Variants in MINDY4 observed in about 807,000 individuals in gnomAD.
MINDY4 encodes MINDY lysine 48 deubiquitinase 4.
Under a neutral mutation model 87.0 loss-of-function variants are expected in MINDY4, and 68 were observed. The observed-to-expected ratio is 0.78, with a 90% CI of 0.64 to 0.96. The LOEUF (loss-of-function observed/expected upper bound fraction) is 0.96. Among genes scored for constraint, MINDY4 ranks in the 40% least tolerant of loss-of-function variants. MINDY4 has a pLI of 0.00. For missense variants in MINDY4, 919 were observed against 928.2 expected (o/e 0.99, Z 0.13); for synonymous variants, 379 against 363.2 (o/e 1.04, Z -0.50).
At chr7:30,818,506 C>T (rs1318787056) in intron 5 of MINDY4, among the ~76,000 whole-genome samples, 1 of 152,032 alleles carries the variant, frequency 6.6e-6, no homozygotes, top group Non-Finnish European at 1.5e-5. Flanking sequence ...ATTATTAGCC[C>T]CATTAGATGA....
intron 11 of MINDY4, among the ~76,000 whole-genome samples, chr7:30,852,893 G>T (rs1789456104): frequency 6.6e-6 from 1 of 152,164 alleles, no homozygotes; most frequent in Admixed American, 6.5e-5. Flanking sequence ...CTAACTGAGG[G>T]TCTCGCATTG....
At chr7:30,827,406 T>A (rs1427597204) in intron 5 of MINDY4, among the ~76,000 whole-genome samples, 1 of 152,074 alleles carries the variant, frequency 6.6e-6, no homozygotes, top group Admixed American at 6.6e-5. Context: ...TGGAAGAGGC[T>A]TCTGATGGAA....
intron 5 of MINDY4, among the ~76,000 whole-genome samples, chr7:30,804,553 G>A (rs1787750004): frequency 6.6e-6 from 1 of 152,188 alleles, no homozygotes; most frequent in Non-Finnish European, 1.5e-5. Flanking sequence ...AAAAAGATGA[G>A]TGTGATAAGG....
chr7:30,831,384 C>CT (rs1788695943), intron 6 of MINDY4, among the ~76,000 whole-genome samples: 2 of 152,186 alleles, frequency 1.3e-5, no homozygotes, highest in Non-Finnish European at 1.5e-5. Flanking sequence ...CCTTAGTCAT[C>CT]TCTTACCTCT....
chr7:30,806,053 G>A (rs1005303694), intron 5 of MINDY4, among the ~76,000 whole-genome samples: 1 of 152,192 alleles, frequency 6.6e-6, no homozygotes, highest in Non-Finnish European at 1.5e-5. Flanking sequence ...GGCATTACAA[G>A]TTCCTGAAGT....
intron 9 of MINDY4, among the ~76,000 whole-genome samples, chr7:30,843,076 C>T (rs1289405837): frequency 6.6e-6 from 1 of 152,218 alleles, no homozygotes; most frequent in Non-Finnish European, 1.5e-5. Flanking sequence ...AACACAAGCC[C>T]CGTGAGAACA....
In MINDY4 at chr7:30,791,207, A is replaced by G. The variant is rs530520703; in HGVS notation, c.706A>G (p.Ser236Gly). ...RHYLRRSSPS[S>G]SSTQPQEESR... The stretch of plus-strand genomic sequence containing the variant: ...CTATCTGAGACGGTCCTCACCGTCA[A>G]GCAGCTCCACCCAACCCCAAGAAGA... The change falls in exon 5 of 18, where the codon AGC (serine) becomes GGC (glycine). Residue 236 changes from serine to glycine, a missense_variant. Coordinates refer to ENST00000265299, the MANE Select transcript of MINDY4 (RefSeq NM_032222.3). 2.9e-5 allele frequency: 47 copies of G among 1,614,094 alleles called. No individual in the cohort carries two copies. The Admixed American group carries it at 7.0e-4, about 24-fold the overall frequency.
chr7:30,860,814 T>G (rs184853617), intron 13 of MINDY4, among the ~76,000 whole-genome samples: 7 of 152,266 alleles, frequency 4.6e-5, no homozygotes, highest in East Asian at 3.9e-4. Flanking sequence ...TAGGGCTGCT[T>G]CTTCCCCCTC....
chr7:30,773,281 T>G (rs1370729713), intron 1 of MINDY4, among the ~76,000 whole-genome samples: 1 of 152,190 alleles, frequency 6.6e-6, no homozygotes, highest in African/African-American at 2.4e-5. Context: ...TTGTCTCAGA[T>G]CCTCGTAACA....
At chr7:30,798,462 T>C (rs897952451) in intron 5 of MINDY4, among the ~76,000 whole-genome samples, 2 of 152,082 alleles carry the variant, frequency 1.3e-5, no homozygotes, top group Non-Finnish European at 2.9e-5. Context: ...GTCATGGTCA[T>C]TGGGCCATAA....
intron 1 of MINDY4, among the ~76,000 whole-genome samples, chr7:30,773,117 T>G (rs916372860): frequency 6.6e-6 from 1 of 152,206 alleles, no homozygotes; most frequent in Non-Finnish European, 1.5e-5. Flanking sequence ...GAGCTGGGAC[T>G]GCAGCCCAGG....
chr7:30,817,456 A>G (rs974928555), intron 5 of MINDY4, among the ~76,000 whole-genome samples: 3 of 151,778 alleles, frequency 2.0e-5, no homozygotes, highest in Non-Finnish European at 4.4e-5. Flanking sequence ...CTGACTCACA[A>G]AAACTTACTG....
intron 15 of MINDY4, among the ~76,000 whole-genome samples, chr7:30,880,181 A>G (rs1365191302): frequency 6.6e-6 from 1 of 152,158 alleles, no homozygotes; most frequent in Admixed American, 6.5e-5. Context: ...CTGTCCATGG[A>G]TGGCTTTAGG....
intron 1 of MINDY4, among the ~76,000 whole-genome samples, chr7:30,778,195 G>A (rs1584226062): frequency 6.6e-6 from 1 of 152,192 alleles, no homozygotes; most frequent in Non-Finnish European, 1.5e-5. Context: ...GGACTCCTGT[G>A]CGCGAGTCCT....
chr7:30,780,219 T>A (rs1371323380), intron 2 of MINDY4: 1 of 152,230 alleles, frequency 6.6e-6, no homozygotes, highest in African/African-American at 2.4e-5. Flanking sequence ...AGGCAGCAGA[T>A]GCTCTGCAAT....
intron 11 of MINDY4, chr7:30,852,484 A>G (rs1473222030): frequency 1.9e-6 from 1 of 514,606 alleles, no homozygotes; most frequent in East Asian, 1.5e-4. Context: ...TTACGGCCAA[A>G]AGGCTGACTG....
At chr7:30,817,360 G>A (rs1788183653) in intron 5 of MINDY4, among the ~76,000 whole-genome samples, 2 of 132,508 alleles carry the variant, frequency 1.5e-5, no homozygotes, top group African/African-American at 6.6e-5. Flanking sequence ...GAGAACTTGG[G>A]TTTGTCTTTT....
intron 5 of MINDY4, among the ~76,000 whole-genome samples, chr7:30,814,270 G>T (rs1463729260): frequency 6.6e-6 from 1 of 152,106 alleles, no homozygotes; most frequent in Non-Finnish European, 1.5e-5. Flanking sequence ...TAGCTTCATG[G>T]TAAATCAAAT....
intron 5 of MINDY4, among the ~76,000 whole-genome samples, chr7:30,794,277 G>A (rs570098789): frequency 2.0e-4 from 30 of 152,132 alleles, no homozygotes; most frequent in Non-Finnish European, 4.1e-4. Flanking sequence ...CAGTCCTAGT[G>A]TGTACCAGGT....
Sources: allele counts gnomAD v4.1 joint callset (sites outside exome capture counted in the v4.1 genomes callset), GRCh38; gene constraint gnomAD v4.1.1; transcripts MANE v1.5; gene names NCBI Gene and HGNC (gene_info 2026-07-23, HGNC 2026-07-21).